Variants in ABTB3 observed in about 807,000 individuals in gnomAD.
ABTB3 encodes ankyrin repeat- and BTB/POZ domain-containing protein 3.
At chr12:107,351,518 G>A in the ABTB3 span, among the ~76,000 whole-genome samples, 1 of 152,208 alleles carries the variant, frequency 6.6e-6, no homozygotes, top group African/African-American at 2.4e-5. Context: ...AATCCTCAGT[G>A]CACCAGTGTT....
the ABTB3 span, among the ~76,000 whole-genome samples, chr12:107,577,736 G>C: frequency 6.6e-6 from 1 of 152,132 alleles, no homozygotes; most frequent in African/African-American, 2.4e-5. Context: ...CCACGTGGTT[G>C]GGGATTAACA....
the ABTB3 span, among the ~76,000 whole-genome samples, chr12:107,469,436 T>G: frequency 1.3e-5 from 2 of 152,074 alleles, no homozygotes; most frequent in African/African-American, 4.8e-5. Flanking sequence ...TTTCTGAGAG[T>G]TGATTTTCTC....
At chr12:107,464,763 G>A in the ABTB3 span, among the ~76,000 whole-genome samples, 1 of 152,142 alleles carries the variant, frequency 6.6e-6, no homozygotes, top group Non-Finnish European at 1.5e-5. Context: ...GGTGTGTTTC[G>A]AGCAGTGGTT....
the ABTB3 span, among the ~76,000 whole-genome samples, chr12:107,347,485 A>G: frequency 6.6e-6 from 1 of 151,908 alleles, no homozygotes; most frequent in African/African-American, 2.4e-5. Flanking sequence ...GGCTCCCAAG[A>G]TGGCTTCTTA....
the ABTB3 span, among the ~76,000 whole-genome samples, chr12:107,564,715 T>C: frequency 0.023 from 3,449 of 152,272 alleles, 275 homozygotes; most frequent in East Asian, 0.26. Flanking sequence ...ATGGAACCAG[T>C]AAGGAGCAAG....
chr12:107,613,499 T>G, the ABTB3 span, among the ~76,000 whole-genome samples: 5 of 152,168 alleles, frequency 3.3e-5, no homozygotes, highest in Admixed American at 1.3e-4. Flanking sequence ...GTTCAAGTTC[T>G]GATACCACCG....
At chr12:107,470,014 C>CTCTCTCTCTCTCTCTCTCTCTCTCTCTT in the ABTB3 span, among the ~76,000 whole-genome samples, 1 of 65,460 alleles carries the variant, frequency 1.5e-5, no homozygotes, top group Non-Finnish European at 3.0e-5. Flanking sequence ...CTTTCTTTCT[C>CTCTCTCTCTCTCTCTCTCTCTCTCTCTT]TCTCTCTCTC....
chr12:107,623,513 C>A, the ABTB3 span, among the ~76,000 whole-genome samples: 1 of 151,858 alleles, frequency 6.6e-6, no homozygotes, highest in Non-Finnish European at 1.5e-5. Flanking sequence ...ATTACAGGCA[C>A]CCACCGCCAT....
At chr12:107,613,511 T>C in the ABTB3 span, among the ~76,000 whole-genome samples, 1 of 152,176 alleles carries the variant, frequency 6.6e-6, no homozygotes, top group Non-Finnish European at 1.5e-5. Flanking sequence ...ATACCACCGC[T>C]GCCATGGTGA....
the ABTB3 span, among the ~76,000 whole-genome samples, chr12:107,538,913 T>A: frequency 6.6e-6 from 1 of 152,154 alleles, no homozygotes; most frequent in Non-Finnish European, 1.5e-5. Context: ...TCAGACTTTT[T>A]AAGGGCCACA....
the ABTB3 span, among the ~76,000 whole-genome samples, chr12:107,573,912 C>T: frequency 1.3e-5 from 2 of 152,220 alleles, no homozygotes; most frequent in Non-Finnish European, 2.9e-5. Context: ...AATGTCCAGA[C>T]TACTGTTTGA....
chr12:107,332,025 T>C, the ABTB3 span, among the ~76,000 whole-genome samples: 1 of 152,206 alleles, frequency 6.6e-6, no homozygotes, highest in Non-Finnish European at 1.5e-5. Context: ...CTTCACAGCC[T>C]CTGATGGCCC....
the ABTB3 span, among the ~76,000 whole-genome samples, chr12:107,339,679 A>ATGTG: frequency 1.8e-5 from 2 of 114,146 alleles, no homozygotes; most frequent in Non-Finnish European, 3.4e-5. Context: ...GTGTGCATGC[A>ATGTG]CGTGTGTGTG....
the ABTB3 span, among the ~76,000 whole-genome samples, chr12:107,469,583 G>A: frequency 2.0e-5 from 3 of 152,178 alleles, no homozygotes; most frequent in African/African-American, 7.2e-5. Context: ...AGACTGGCCT[G>A]TTCTCAAAGA....
the ABTB3 span, among the ~76,000 whole-genome samples, chr12:107,554,718 G>T: frequency 6.6e-6 from 1 of 152,192 alleles, no homozygotes; most frequent in African/African-American, 2.4e-5. Context: ...GGTGGGGCCT[G>T]AGAGTCTCTG....
chr12:107,571,691 C>T, the ABTB3 span, among the ~76,000 whole-genome samples: 1 of 152,250 alleles, frequency 6.6e-6, no homozygotes, highest in Admixed American at 6.5e-5. Flanking sequence ...GGCTCCCCTC[C>T]CAGGGCCATT....
chr12:107,642,380 CTG>C, the ABTB3 span, among the ~76,000 whole-genome samples: 1 of 152,198 alleles, frequency 6.6e-6, no homozygotes, highest in Non-Finnish European at 1.5e-5. Flanking sequence ...ATGCCTGACA[CTG>C]TGCTAAGGGC....
the ABTB3 span, among the ~76,000 whole-genome samples, chr12:107,418,315 G>A: frequency 2.0e-5 from 3 of 152,196 alleles, no homozygotes; most frequent in African/African-American, 4.8e-5. Flanking sequence ...TTGGGACTCG[G>A]ACTGGCTTCC....
At chr12:107,559,098 A>G in the ABTB3 span, among the ~76,000 whole-genome samples, 1 of 152,188 alleles carries the variant, frequency 6.6e-6, no homozygotes, top group Non-Finnish European at 1.5e-5. Flanking sequence ...TGGGGAAGAG[A>G]AGGATCAGTT....
Sources: gnomAD v4.1 joint callset for allele counts (sites outside exome capture counted in the v4.1 genomes callset) on GRCh38, gnomAD v4.1.1 for gene constraint, MANE v1.5 for transcripts, NCBI Gene and HGNC (gene_info 2026-07-23, HGNC 2026-07-21) for gene names.